The following CNTN4 variants were observed in gnomAD, a reference collection of about 807,000 sequenced individuals.
CNTN4 encodes contactin 4, also known as contactin-4.
A neutral mutation model predicts 122.5 loss-of-function variants in CNTN4; 77 were observed. The observed-to-expected ratio is 0.63, with a 90% CI of 0.52 to 0.76. CNTN4 has a LOEUF of 0.76. Among genes scored for constraint, CNTN4 ranks in the 30% least tolerant of loss-of-function variants. CNTN4 has a pLI of 0.00. For missense variants in CNTN4, 1,256 were observed against 1,259.1 expected, an observed-to-expected ratio of 1.00 and a Z score of 0.04; for synonymous variants, 512 against 447.0, an observed-to-expected ratio of 1.15 and a Z score of -1.83.
At chr3:2,118,260 A>T (rs560833339) in intron 2 of CNTN4, among the ~76,000 whole-genome samples, 1 of 152,350 alleles carries the variant, frequency 6.6e-6, no homozygotes, top group African/African-American at 2.4e-5. Flanking sequence ...GGCAATACTG[A>T]TATCATATCA....
chr3:2,950,845 T>G lies in CNTN4; in HGVS notation c.1358+25066T>G, dbSNP rs547295015. Among the ~76,000 whole-genome samples the G allele has an allele frequency of 2.6e-5, 4 of 152,336 alleles. No homozygotes were observed. In the South Asian group the frequency reaches 8.3e-4, roughly 32 times the overall value. On this transcript the variant is annotated intron_variant, in intron 13 of 24. Transcript: ENST00000418658. Reference sequence around the variant, plus strand: ...AACATCTGAAGTTCAAATTATTTATTTAGAATTTGTGTCCTATACTAGACC... The same window carrying G: ...AACATCTGAAGTTCAAATTATTTATGTAGAATTTGTGTCCTATACTAGACC...
intron 14 of CNTN4, among the ~76,000 whole-genome samples, chr3:2,994,306 C>T (rs2125334539): frequency 6.6e-6 from 1 of 151,846 alleles, no homozygotes; most frequent in South Asian, 2.1e-4. Context: ...TTTGGCTTTT[C>T]TGTTTATTTA....
intron 6 of CNTN4, among the ~76,000 whole-genome samples, chr3:2,815,459 G>T (rs1161347599): frequency 1.3e-5 from 2 of 152,048 alleles, no homozygotes; most frequent in Non-Finnish European, 1.5e-5. Flanking sequence ...CTCAAAAGAG[G>T]ATATGCAAAT....
intron 2 of CNTN4, among the ~76,000 whole-genome samples, chr3:2,202,762 G>A (rs1280669945): frequency 1.3e-5 from 2 of 151,956 alleles, no homozygotes; most frequent in Non-Finnish European, 2.9e-5. Context: ...AGATATTGCT[G>A]TTTCCCTATT....
intron 3 of CNTN4, among the ~76,000 whole-genome samples, chr3:2,359,303 C>A (rs955430095): frequency 6.6e-6 from 1 of 151,736 alleles, no homozygotes. Flanking sequence ...GTAATTATTA[C>A]AACGTATAAT....
intron 4 of CNTN4, among the ~76,000 whole-genome samples, chr3:2,585,491 A>G (rs2080150120): frequency 6.6e-6 from 1 of 152,182 alleles, no homozygotes; most frequent in Non-Finnish European, 1.5e-5. Flanking sequence ...CATGTACACC[A>G]TGGAATACTA....
At chr3:2,155,367 C>A (rs983985359) in intron 2 of CNTN4, among the ~76,000 whole-genome samples, 1 of 152,112 alleles carries the variant, frequency 6.6e-6, no homozygotes, top group African/African-American at 2.4e-5. Flanking sequence ...ACAGATTATC[C>A]GTACCTGGGA....
At chr3:2,913,494 A>T (rs2094322994) in intron 12 of CNTN4, among the ~76,000 whole-genome samples, 1 of 152,206 alleles carries the variant, frequency 6.6e-6, no homozygotes, top group African/African-American at 2.4e-5. Context: ...ACCAGAACCT[A>T]AAGAGAGCAA....
At chr3:2,307,329 G>T (rs981204712) in intron 2 of CNTN4, among the ~76,000 whole-genome samples, 2 of 152,058 alleles carry the variant, frequency 1.3e-5, no homozygotes, top group East Asian at 1.9e-4. Context: ...CAGCTACTGG[G>T]GAGGCTGGGG....
chr3:2,481,592 C>G (rs944773685), intron 3 of CNTN4, among the ~76,000 whole-genome samples: 7 of 152,168 alleles, frequency 4.6e-5, no homozygotes, highest in African/African-American at 1.7e-4. Flanking sequence ...AAATTTAAAA[C>G]TGTAAAACCT....
At chr3:2,662,291 C>T (rs1030089297) in intron 4 of CNTN4, among the ~76,000 whole-genome samples, 5 of 152,120 alleles carry the variant, frequency 3.3e-5, no homozygotes, top group African/African-American at 1.2e-4. Context: ...GCTTAATTTA[C>T]TAGAAATTTA....
At chr3:2,778,824 T>A (rs1393398587) in intron 6 of CNTN4, among the ~76,000 whole-genome samples, 3 of 152,204 alleles carry the variant, frequency 2.0e-5, no homozygotes, top group Admixed American at 2.0e-4. Flanking sequence ...AGATCCAAAA[T>A]AATTTATCTT....
At chr3:2,259,034 G>T (rs147820274) in intron 2 of CNTN4, among the ~76,000 whole-genome samples, 1 of 151,966 alleles carries the variant, frequency 6.6e-6, no homozygotes, top group East Asian at 1.9e-4. Flanking sequence ...GACATACAGA[G>T]GTTAAATAAT....
At chr3:2,143,584 C>A (rs2035106645) in intron 2 of CNTN4, among the ~76,000 whole-genome samples, 1 of 152,176 alleles carries the variant, frequency 6.6e-6, no homozygotes, top group South Asian at 2.1e-4. Context: ...TAAATTCTTG[C>A]TCCTCTTATT....
intron 4 of CNTN4, among the ~76,000 whole-genome samples, chr3:2,639,133 A>G (rs1185656379): frequency 6.6e-6 from 1 of 152,122 alleles, no homozygotes; most frequent in Non-Finnish European, 1.5e-5. Flanking sequence ...TTTTTCTTCA[A>G]AAACTTGCAT....
At chr3:2,958,749 T>C (rs2124963937) in intron 13 of CNTN4, among the ~76,000 whole-genome samples, 1 of 152,226 alleles carries the variant, frequency 6.6e-6, no homozygotes, top group Non-Finnish European at 1.5e-5. Flanking sequence ...ACTTAAGAGG[T>C]TCTTACGTAA....
At chr3:2,353,851 A>G (rs2150474747) in intron 3 of CNTN4, among the ~76,000 whole-genome samples, 1 of 152,230 alleles carries the variant, frequency 6.6e-6, no homozygotes, top group Non-Finnish European at 1.5e-5. Context: ...GTGAGCCAAG[A>G]TGGCGCCACC....
intron 2 of CNTN4, among the ~76,000 whole-genome samples, chr3:2,186,174 T>C (rs1210052162): frequency 1.4e-5 from 2 of 145,610 alleles, no homozygotes; most frequent in African/African-American, 2.5e-5. Flanking sequence ...AGTGAGAACA[T>C]GCAGTGTTTG....
At chr3:2,728,825 G>A (rs17019466) in intron 4 of CNTN4, among the ~76,000 whole-genome samples, 13,969 of 152,198 alleles carry the variant, frequency 0.092, 714 homozygotes, top group African/African-American at 0.13. Flanking sequence ...TACTTCCCAA[G>A]TGAAAATTGT....
Sources: gnomAD v4.1 joint callset for allele counts (sites outside exome capture counted in the v4.1 genomes callset) on GRCh38, gnomAD v4.1.1 for gene constraint, MANE v1.5 for transcripts, NCBI Gene and HGNC (gene_info 2026-07-23, HGNC 2026-07-21) for gene names.